The following EPS8L1 variants were observed in gnomAD, a reference collection of about 807,000 sequenced individuals.
EPS8L1 encodes epidermal growth factor receptor kinase substrate 8-like protein 1.
EPS8L1 carries 101 observed loss-of-function variants against 91.7 expected under a neutral mutation model. The ratio of observed to expected loss-of-function variants is 1.10; its 90% CI spans 0.94 to 1.30. The LOEUF (loss-of-function observed/expected upper bound fraction) is 1.30, where lower values mean the gene tolerates loss of function less well. Ranked by LOEUF, EPS8L1 falls within the 50% of genes most tolerant of loss-of-function variation. EPS8L1 has a pLI of 0.00. For synonymous variants in EPS8L1, 506 were observed against 445.3 expected, an observed-to-expected ratio of 1.14 and a Z score of -1.72; for missense variants, 1,114 against 1,017.0, an observed-to-expected ratio of 1.10 and a Z score of -1.30.
chr19:55,079,904 G>A (rs1046199723), intron 5 of EPS8L1, 53 bp downstream of exon 5: 13 of 1,541,178 alleles, frequency 8.4e-6, no homozygotes, highest in Admixed American at 2.0e-5. Flanking sequence ...ACTTCAGGGG[G>A]TCTGGGTGTG....
intron 1 of EPS8L1, among the ~76,000 whole-genome samples, chr19:55,076,131 GAGAT>G (rs2076124337): frequency 6.1e-5 from 2 of 32,786 alleles, no homozygotes; most frequent in Non-Finnish European, 1.2e-4. Context: ...GAGGGAGGAG[GAGAT>G]GGGGCCTGGA....
In EPS8L1 at chr19:55,081,569, G is replaced by A. The variant is rs2076262568; in HGVS notation, c.774+77G>A. On this transcript the variant is annotated intron_variant, in intron 8 of 19. Transcript: ENST00000201647. The surrounding 1 kb of genome is among the most constrained non-coding windows in gnomAD (Gnocchi z 4.9). ...GGCTAGGGCGTGGAAGGGCGGGGCCGGCTGCGGGACGGGCGTTCTCTGGTC... is the reference window on the plus strand; with the variant it reads ...GGCTAGGGCGTGGAAGGGCGGGGCCAGCTGCGGGACGGGCGTTCTCTGGTC... The A allele has an allele frequency of 6.8e-7, 1 of 1,470,604 alleles. No individual in the cohort carries two copies. The highest frequency in any genetic ancestry group is 9.0e-7 in the Non-Finnish European group (1 of 1,111,192). 91.1% of individuals were successfully genotyped at this position (1,470,604 alleles called of 1,614,324 possible).
intron 1 of EPS8L1, among the ~76,000 whole-genome samples, 167 bp downstream of exon 1, chr19:55,076,086 GGGA>G (rs1226507358): frequency 1.2e-3 from 176 of 141,608 alleles, no homozygotes; most frequent in Non-Finnish European, 1.6e-3. Flanking sequence ...CTAGGTCTGA[GGGA>G]GGAGGGGCTG....
intron 17 of EPS8L1, 95 bp downstream of exon 17, chr19:55,086,613 C>T: frequency 6.5e-7 from 1 of 1,532,156 alleles, no homozygotes; most frequent in Non-Finnish European, 8.8e-7. Context: ...GGACTCCCGT[C>T]CCATTCTGGG....
In EPS8L1 at chr19:55,081,445, G is replaced by A. The variant is rs571293312; in HGVS notation, c.727G>A (p.Gly243Ser). ...CGCTGACTCGGCCTCCCCGGACCTG[G>A]GTCCCCGGGGTCCTGACCTGGCGGT... ...SNADSASPDL[G>S]PRGPDLAVLQ... Residue 243 changes from glycine to serine, a missense_variant, in exon 8 of 20, where the codon GGT (glycine) becomes AGT (serine). Transcript: ENST00000201647. The surrounding 1 kb of genome is among the most constrained non-coding windows in gnomAD (Gnocchi z 4.9). 2 of 1,602,624 alleles carry A rather than the reference G, an allele frequency of 1.2e-6. No individual in the cohort carries two copies. Among genetic ancestry groups the A allele is most frequent in the Non-Finnish European group, 1.7e-6 (2 of 1,175,732 alleles).
At chr19:55,085,497 G>A (rs955089146) in intron 14 of EPS8L1, among the ~76,000 whole-genome samples, 1 of 152,108 alleles carries the variant, frequency 6.6e-6, no homozygotes, top group East Asian at 1.9e-4. Flanking sequence ...TATGAGTTAT[G>A]ATATATAAAG....
chr19:55,085,432 T>A (rs550918240), intron 14 of EPS8L1, among the ~76,000 whole-genome samples: 1 of 152,366 alleles, frequency 6.6e-6, no homozygotes, highest in East Asian at 1.9e-4. Context: ...CCCAAAGCGC[T>A]GGGATTACAG....
In EPS8L1 at chr19:55,081,554, T is replaced by C. The variant is rs566785517; in HGVS notation, c.774+62T>C. ...GGCGACTGGAGGCGGGGCTAGGGCGTGGAAGGGCGGGGCCGGCTGCGGGAC... is the reference window on the plus strand; with the variant it reads ...GGCGACTGGAGGCGGGGCTAGGGCGCGGAAGGGCGGGGCCGGCTGCGGGAC... On this transcript the variant is annotated intron_variant, in intron 8 of 19. Coordinates refer to ENST00000201647, the MANE Select transcript of EPS8L1 (RefSeq NM_133180.3). This position sits in a 1 kb window ranked among gnomAD's most constrained non-coding sequence, Gnocchi z 4.9. 4 of 1,351,290 alleles carry C rather than the reference T, an allele frequency of 3.0e-6. No homozygotes were observed. Among genetic ancestry groups the C allele is most frequent in the African/African-American group, 3.4e-5 (2 of 59,270 alleles). The allele number at this position is 1,351,290 out of a possible 1,614,324, so 83.7% of individuals were successfully genotyped here.
rs377118862 is a variant in EPS8L1, at chr19:55,082,190, C to T, written c.990+10C>T. 1.3e-6 allele frequency: 2 copies of T among 1,589,786 alleles called. No individual in the cohort carries two copies. The highest frequency in any genetic ancestry group is 1.7e-6 in the Non-Finnish European group (2 of 1,167,880). ...CGCCTTCAGCCTGCTGGTGAGGACG[C>T]GCCCGCCCCTGGGCCGGGGCGCGGG... On this transcript the variant is annotated intron_variant, in intron 10 of 19. Transcript: ENST00000201647.
At position 55,079,701 on chromosome 19, in the gene EPS8L1, G is replaced by A. The variant is rs772666617; in HGVS notation, c.129G>A (p.Thr43=). Residue 43 remains threonine, a synonymous_variant, in exon 5 of 20, where the codon ACG becomes ACA. Transcript: ENST00000201647. ...ATGGTCCGTACCAGCACCTGGTGAC[G>A]TTCTGCCTGGGTGAGGACGATGGCG... ...VSQYPVNHLV[T]FCLGEDDGVH... is the part of the protein sequence containing the mutation. The A allele has an allele frequency of 9.3e-6, 15 of 1,613,832 alleles. No homozygotes were observed. The highest frequency in any genetic ancestry group is 2.7e-5 in the African/African-American group (2 of 74,942).
rs1289654845 is a variant in EPS8L1, at chr19:55,083,059, A to AT, written c.1215-312dup. ...TGAGATTTAGAGGCTGGATAAGGCA[A>AT]TTTTTTTCCAGAGAGAGAGATGGAT... is the stretch of plus-strand genomic sequence containing the variant. On this transcript the variant is annotated intron_variant, in intron 12 of 19. Coordinates refer to ENST00000201647, the MANE Select transcript of EPS8L1 (RefSeq NM_133180.3). The surrounding 1 kb of genome is among the most constrained non-coding windows in gnomAD (Gnocchi z 4.7). Among the ~76,000 whole-genome samples, 2 of 152,152 alleles carry AT rather than the reference A, an allele frequency of 1.3e-5. No individual in the cohort carries two copies. Among genetic ancestry groups the AT allele is most frequent in the Middle Eastern group, 6.8e-3 (2 of 294 alleles).
intron 2 of EPS8L1, 63 bp downstream of exon 2, chr19:55,076,524 A>T: frequency 1.3e-6 from 2 of 1,568,276 alleles, no homozygotes; most frequent in Admixed American, 3.5e-5. Flanking sequence ...TCGCCTCCTC[A>T]CCCACACCCG....
Position 55,082,572 on chromosome 19 carries a change from C to G in EPS8L1, c.1184C>G (p.Thr395Ser), listed in dbSNP as rs2076293021. ...NVTPRENELW[T>S]SLGDSWTRPG... is the part of the protein sequence containing the mutation. Reference sequence around the variant, plus strand: ...ACTCCACGTGAAAACGAGCTCTGGACCTCGCTGGGGGACTCGTGGACCCGC... The same window carrying G: ...ACTCCACGTGAAAACGAGCTCTGGAGCTCGCTGGGGGACTCGTGGACCCGC... The change falls in exon 12 of 20, where the codon ACC becomes AGC. Residue 395 changes from threonine (T) to serine (S), a missense_variant. Transcript: ENST00000201647. 1.3e-6 allele frequency: 2 copies of G among 1,580,524 alleles called. No homozygotes were observed. The highest frequency in any genetic ancestry group is 1.7e-6 in the Non-Finnish European group (2 of 1,163,682).
rs200577842 is a variant in EPS8L1, at chr19:55,080,246, G to A, written c.397G>A (p.Asp133Asn). The A allele has an allele frequency of 2.0e-4, 301 of 1,535,754 alleles. No homozygotes were observed. In the African/African-American group the frequency reaches 3.9e-3, roughly 20 times the overall value. Residue 133 changes from aspartate to asparagine, a missense_variant, in exon 6 of 20, where the codon GAC (aspartate) becomes AAC (asparagine). By Grantham distance (23) the Asp-to-Asn change is conservative. Transcript: ENST00000201647. ...VCQEPERAQP[D>N]VHFFQGLRLG... is the part of the protein sequence containing the mutation. ...CCAGGAACCCGAGCGCGCGCAGCCCGACGTGCACTTCTTCCAGGGCCTGCG... is the reference window on the plus strand; with the variant it reads ...CCAGGAACCCGAGCGCGCGCAGCCCAACGTGCACTTCTTCCAGGGCCTGCG...
At chr19:55,080,438 G>A in intron 6 of EPS8L1, 160 bp downstream of exon 6, 2 of 1,608,976 alleles carry the variant, frequency 1.2e-6, no homozygotes, top group Non-Finnish European at 1.7e-6. Context: ...CTGGAAGGCA[G>A]TGGGGTTTGA....
rs200562345 is a variant in EPS8L1, at chr19:55,083,352, G to C, written c.1215-26G>C. The C allele has an allele frequency of 1.5e-5, 24 of 1,606,738 alleles. No individual in the cohort carries two copies. The East Asian group carries it at 4.9e-4, about 33-fold the overall frequency. On this transcript the variant is annotated intron_variant, in intron 12 of 19. Transcript: ENST00000201647. This position sits in a 1 kb window ranked among gnomAD's most constrained non-coding sequence, Gnocchi z 4.7. ...TTGGGGGCTGTATCAGGATCCCTGA[G>C]CTCTTGGCCCTGTCCCTGGCCGCAG...
At chr19:55,080,907 T>C in intron 7 of EPS8L1, 53 bp downstream of exon 7, 1 of 1,489,402 alleles carries the variant, frequency 6.7e-7, no homozygotes, top group Non-Finnish European at 9.1e-7. Context: ...CCCCTCCTTG[T>C]GCCTCAGTCT....
At position 55,087,683 on chromosome 19, in the gene EPS8L1, A is replaced by G. The variant is rs554201942; in HGVS notation, c.*69A>G. The G allele has an allele frequency of 8.7e-5, 132 of 1,511,146 alleles. No individual in the cohort carries two copies. The Middle Eastern group carries it at 1.4e-3, about 16-fold the overall frequency. 93.6% of individuals were successfully genotyped at this position (1,511,146 alleles called of 1,614,324 possible). On this transcript the variant is annotated 3_prime_UTR_variant, in exon 20 of 20. Transcript: ENST00000201647. Reference sequence around the variant, plus strand: ...GAACGGACTCCTCAGACTCTCCCCAATAGCGGAAGTCGATCTTCTGAAGGA... The same window carrying G: ...GAACGGACTCCTCAGACTCTCCCCAGTAGCGGAAGTCGATCTTCTGAAGGA...
Position 55,081,162 on chromosome 19 carries a change from C to T in EPS8L1, c.513-69C>T, listed in dbSNP as rs2076248933. On this transcript the variant is annotated intron_variant, in intron 7 of 19. Transcript: ENST00000201647. The surrounding 1 kb of genome is among the most constrained non-coding windows in gnomAD (Gnocchi z 4.9). The stretch of plus-strand genomic sequence containing the variant: ...TTTTGAGCCTGTGTGTCTCGTTCTG[C>T]GCCCTGGATTTCCCCCTCCCTGGAC... 4 of 1,439,992 alleles carry T rather than the reference C, an allele frequency of 2.8e-6. No homozygotes were observed. Among genetic ancestry groups the T allele is most frequent in the Middle Eastern group, 2.4e-4 (1 of 4,194 alleles). 89.2% of individuals were successfully genotyped at this position (1,439,992 alleles called of 1,614,324 possible). A position where few individuals can be genotyped will look rare whatever the true frequency, so the allele number is the denominator to read the frequency against.
Sources: allele counts gnomAD v4.1 joint callset (sites outside exome capture counted in the v4.1 genomes callset), GRCh38; gene constraint gnomAD v4.1.1; non-coding constraint Gnocchi (gnomAD v3.1); transcripts MANE v1.5; gene names NCBI Gene and HGNC (gene_info 2026-07-23, HGNC 2026-07-21).